Variants in MAPKAPK3 observed in about 807,000 individuals in gnomAD.
The protein encoded by MAPKAPK3 is MAPK activated protein kinase 3.
Under a neutral mutation model 49.2 loss-of-function variants are expected in MAPKAPK3, and 35 were observed. That is an observed-to-expected ratio of 0.71 (90% CI 0.54 to 0.94). MAPKAPK3 has a LOEUF of 0.94. Ranked by LOEUF, MAPKAPK3 falls within the 40% of genes least tolerant of loss-of-function variation. The probability of loss-of-function intolerance (pLI) is 0.00; values close to 1 mark genes in which losing one functional copy is unlikely to be tolerated. For missense variants in MAPKAPK3, 398 were observed against 493.1 expected, an observed-to-expected ratio of 0.81 and a Z score of 1.83; for synonymous variants, 178 against 188.7, an observed-to-expected ratio of 0.94 and a Z score of 0.46.
At chr3:50,615,612 G>A (rs2107566923), upstream of MAPKAPK3, among the ~76,000 whole-genome samples, 1 of 152,328 alleles carries the variant, frequency 6.6e-6, no homozygotes, top group South Asian at 2.1e-4. Flanking sequence ...TTTCTGTCCT[G>A]TGTGTCTGTA....
At chr3:50,620,559 A>G (rs929246282) in intron 2 of MAPKAPK3, among the ~76,000 whole-genome samples, 1 of 152,076 alleles carries the variant, frequency 6.6e-6, no homozygotes, top group African/African-American at 2.4e-5. Flanking sequence ...ATAAAACAGG[A>G]AGAGCTGTGG....
chr3:50,648,521 G>C lies in MAPKAPK3; in HGVS notation c.*475G>C, dbSNP rs751403184. 9.0e-5 allele frequency: 14 copies of C among 156,076 alleles called. No individual in the cohort carries two copies. Among genetic ancestry groups the C allele is most frequent in the South Asian group, 1.9e-4 (1 of 5,206 alleles). 9.7% of individuals were successfully genotyped at this position (156,076 alleles called of 1,614,324 possible). A position where few individuals can be genotyped will look rare whatever the true frequency, so the allele number is the denominator to read the frequency against. ...CTGTGAATGCTGAGTGAGCGAGTAA[G>C]GGAGGAGGGGCGATTGAGGGTTCAC... On this transcript the variant is annotated 3_prime_UTR_variant, in exon 11 of 11. Transcript: ENST00000621469.
At chr3:50,643,280 G>A (rs1319434830) in intron 5 of MAPKAPK3, among the ~76,000 whole-genome samples, 1 of 152,154 alleles carries the variant, frequency 6.6e-6, no homozygotes, top group Non-Finnish European at 1.5e-5. Flanking sequence ...CAGTTGTTGG[G>A]CCACCTTCCA....
At chr3:50,639,265 G>A (rs1215275669) in intron 2 of MAPKAPK3, among the ~76,000 whole-genome samples, 1 of 152,172 alleles carries the variant, frequency 6.6e-6, no homozygotes, top group Non-Finnish European at 1.5e-5. Flanking sequence ...CGAGTCATTG[G>A]AGGAATTCAA....
At chr3:50,647,464 C>A (rs949073114) in intron 10 of MAPKAPK3, among the ~76,000 whole-genome samples, 2 of 152,184 alleles carry the variant, frequency 1.3e-5, no homozygotes, top group African/African-American at 4.8e-5. Context: ...CTCTTATAAC[C>A]AACAACATTT....
chr3:50,646,690 G>T (rs747278774), intron 8 of MAPKAPK3, 50 bp from the exon 9 acceptor site: 1 of 1,531,036 alleles, frequency 6.5e-7, no homozygotes, highest in Non-Finnish European at 9.0e-7. Flanking sequence ...AAGGGTGGAG[G>T]GGCTGGCTCT....
At chr3:50,617,068 C>T (rs2032481628), upstream of MAPKAPK3, 1 of 70,224 alleles carries the variant, frequency 1.4e-5, no homozygotes, top group Non-Finnish European at 2.7e-5. Flanking sequence ...TGGGATGACG[C>T]GCAGGGAGCG....
chr3:50,637,551 G>A lies in MAPKAPK3; in HGVS notation c.220-2815G>A, dbSNP rs576403714. On this transcript the variant is annotated intron_variant, in intron 2 of 10. Coordinates refer to ENST00000621469, the MANE Select transcript of MAPKAPK3 (RefSeq NM_001243925.2). ...TCGGGAGGCTGAGGCAGAATGACGTGAACCCGGGAGGCGGAGCTTGCAGTG... is the reference window on the plus strand; with the variant it reads ...TCGGGAGGCTGAGGCAGAATGACGTAAACCCGGGAGGCGGAGCTTGCAGTG... Among the ~76,000 whole-genome samples the A allele has an allele frequency of 2.6e-5, 4 of 151,340 alleles. No individual in the cohort carries two copies. The South Asian group carries it at 8.4e-4, about 32-fold the overall frequency.
At chr3:50,622,742 C>A (rs764063366) in intron 2 of MAPKAPK3, among the ~76,000 whole-genome samples, 12 of 152,202 alleles carry the variant, frequency 7.9e-5, no homozygotes, top group Non-Finnish European at 1.6e-4. Context: ...TCTAACAGTT[C>A]CACTGCCTCA....
At chr3:50,630,455 G>T (rs1246369056) in intron 2 of MAPKAPK3, among the ~76,000 whole-genome samples, 3 of 152,268 alleles carry the variant, frequency 2.0e-5, no homozygotes, top group Non-Finnish European at 4.4e-5. Flanking sequence ...GTGACCCAGA[G>T]AATCCACAAA....
intron 2 of MAPKAPK3, among the ~76,000 whole-genome samples, chr3:50,626,883 G>A (rs1367243847): frequency 2.0e-5 from 3 of 152,156 alleles, no homozygotes; most frequent in African/African-American, 4.8e-5. Context: ...AGGAGCCACA[G>A]TCTGCTCATC....
chr3:50,631,236 G>A (rs996650851), intron 2 of MAPKAPK3, among the ~76,000 whole-genome samples: 13 of 152,228 alleles, frequency 8.5e-5, no homozygotes, highest in Non-Finnish European at 1.9e-4. Flanking sequence ...GCACATGTCT[G>A]CAGCTCTGAT....
intron 2 of MAPKAPK3, among the ~76,000 whole-genome samples, chr3:50,638,266 C>T (rs1340701339): frequency 1.3e-5 from 2 of 151,936 alleles, no homozygotes; most frequent in African/African-American, 4.8e-5. Context: ...AGAAGGAACC[C>T]GGTGCAGGGA....
In MAPKAPK3 at chr3:50,648,871, C is replaced by T. The variant is rs1396700279; in HGVS notation, c.*825C>T. 1 of 152,284 alleles carries T rather than the reference C, an allele frequency of 6.6e-6. No individual in the cohort carries two copies. The highest frequency in any genetic ancestry group is 2.4e-5 in the African/African-American group (1 of 41,478). 9.4% of individuals were successfully genotyped at this position (152,284 alleles called of 1,614,324 possible). On this transcript the variant is annotated 3_prime_UTR_variant, in exon 11 of 11. Transcript: ENST00000621469. ...CCCTGCACCCATCTGCTCACCAGAT[C>T]TCAGGCAGGAAAGCCCCTCTCTGTT...
At chr3:50,615,857 C>T (rs2032453608), upstream of MAPKAPK3, among the ~76,000 whole-genome samples, 1 of 152,254 alleles carries the variant, frequency 6.6e-6, no homozygotes, top group South Asian at 2.1e-4. Flanking sequence ...TGGGTACCCA[C>T]TAATAAGTTG....
At chr3:50,640,539 G>A (rs372266899) in intron 3 of MAPKAPK3, 34 bp downstream of exon 3, 38 of 1,572,624 alleles carry the variant, frequency 2.4e-5, no homozygotes, top group Middle Eastern at 1.9e-4. Context: ...ACACCCCCTC[G>A]GCATCCCTGT....
intron 3 of MAPKAPK3, among the ~76,000 whole-genome samples, 160 bp from the exon 4 acceptor site, chr3:50,641,547 G>A (rs1031262226): frequency 6.6e-6 from 1 of 152,186 alleles, no homozygotes; most frequent in African/African-American, 2.4e-5. Context: ...AACCCACCAT[G>A]CACCAGGTTC....
At chr3:50,641,104 C>A (rs2033167739) in intron 3 of MAPKAPK3, among the ~76,000 whole-genome samples, 1 of 152,196 alleles carries the variant, frequency 6.6e-6, no homozygotes, top group Non-Finnish European at 1.5e-5. Context: ...CTCTGTAACT[C>A]AGATGTAAGA....
intron 3 of MAPKAPK3, 99 bp from the exon 4 acceptor site, chr3:50,641,608 G>A: frequency 1.1e-6 from 1 of 928,294 alleles, no homozygotes; most frequent in Non-Finnish European, 1.8e-6. Flanking sequence ...GAGGAGCGGA[G>A]CAGCAGGGTC....
Sources: gnomAD v4.1 joint callset for allele counts (sites outside exome capture counted in the v4.1 genomes callset) on GRCh38, gnomAD v4.1.1 for gene constraint, MANE v1.5 for transcripts, NCBI Gene and HGNC (gene_info 2026-07-23, HGNC 2026-07-21) for gene names.